Variants in UHRF2 observed in about 807,000 individuals in gnomAD.
UHRF2 encodes E3 ubiquitin-protein ligase UHRF2.
Under a neutral mutation model 96.8 loss-of-function variants are expected in UHRF2, and 23 were observed. The ratio of observed to expected loss-of-function variants is 0.24; its 90% CI spans 0.17 to 0.34. The LOEUF (loss-of-function observed/expected upper bound fraction) is 0.34. Among genes scored for constraint, UHRF2 ranks in the 10% least tolerant of loss-of-function variants. The pLI is 1.00. For missense variants in UHRF2, 685 were observed against 981.5 expected, an observed-to-expected ratio of 0.70 and a Z score of 4.04; for synonymous variants, 385 against 332.6, an observed-to-expected ratio of 1.16 and a Z score of -1.72.
chr9:6,483,561 A>G (rs562006447), intron 8 of UHRF2, among the ~76,000 whole-genome samples: 23 of 152,254 alleles, frequency 1.5e-4, no homozygotes, highest in African/African-American at 4.6e-4. Context: ...AATATTTTTT[A>G]CTCTCTCGAC....
At chr9:6,436,432 G>T (rs1270426676) in intron 3 of UHRF2, among the ~76,000 whole-genome samples, 1 of 152,030 alleles carries the variant, frequency 6.6e-6, no homozygotes, top group Non-Finnish European at 1.5e-5. Context: ...GTGGTCTCTG[G>T]GTTTATAAAT....
intron 8 of UHRF2, among the ~76,000 whole-genome samples, chr9:6,483,652 ATAAT>A (rs1195245288): frequency 6.6e-6 from 1 of 152,190 alleles, no homozygotes; most frequent in Non-Finnish European, 1.5e-5. Context: ...ATACTAGTAA[ATAAT>A]TTATATTTTA....
At position 6,493,947 on chromosome 9, in the gene UHRF2, A is replaced by T; in HGVS notation, c.1604+15A>T. On this transcript the variant is annotated intron_variant, in intron 10 of 15. Coordinates refer to ENST00000276893, the MANE Select transcript of UHRF2 (RefSeq NM_152896.3). Reference sequence around the variant, plus strand: ...AACATGAACAGGTACTACTATAGACACTGTTTAGAATTTGAACATTGAATA... The same window carrying T: ...AACATGAACAGGTACTACTATAGACTCTGTTTAGAATTTGAACATTGAATA... 6.2e-7 allele frequency: 1 copy of T among 1,600,808 alleles called. No homozygotes were observed. The highest frequency in any genetic ancestry group is 8.5e-7 in the Non-Finnish European group (1 of 1,169,804).
At chr9:6,426,829 A>T (rs183502092) in intron 2 of UHRF2, among the ~76,000 whole-genome samples, 1 of 152,066 alleles carries the variant, frequency 6.6e-6, no homozygotes, top group East Asian at 1.9e-4. Context: ...GCTCACTGCA[A>T]CCTCTGCCTC....
chr9:6,474,589 C>T (rs971371660), intron 4 of UHRF2, among the ~76,000 whole-genome samples: 3 of 152,104 alleles, frequency 2.0e-5, no homozygotes, highest in African/African-American at 7.2e-5. Flanking sequence ...GCCTGTAATC[C>T]CAGCTACTTG....
intron 10 of UHRF2, chr9:6,495,501 G>A (rs1246143225): frequency 6.6e-6 from 1 of 152,320 alleles, no homozygotes; most frequent in East Asian, 1.9e-4. Flanking sequence ...GCCCAGTAGT[G>A]TATGGTTGAA....
intron 2 of UHRF2, among the ~76,000 whole-genome samples, chr9:6,426,786 G>A (rs1203722142): frequency 1.3e-5 from 2 of 152,022 alleles, no homozygotes; most frequent in Admixed American, 1.3e-4. Flanking sequence ...ATCTCTCTTT[G>A]TTGCCCAGGC....
At chr9:6,416,255 G>T (rs1000980908) in intron 1 of UHRF2, among the ~76,000 whole-genome samples, 21 of 152,034 alleles carry the variant, frequency 1.4e-4, no homozygotes, top group African/African-American at 5.1e-4. Flanking sequence ...GTAGAGACGA[G>T]GTTTCACCAT....
Position 6,413,271 on chromosome 9 carries a change from A to G in UHRF2, c.-220A>G, listed in dbSNP as rs1050991887. The G allele has an allele frequency of 6.0e-5, 13 of 217,998 alleles. No homozygotes were observed. Among genetic ancestry groups the G allele is most frequent in the Admixed American group, 1.2e-4 (2 of 16,980 alleles). The allele number at this position is 217,998 out of a possible 1,614,324, so 13.5% of individuals were successfully genotyped here. A position where few individuals can be genotyped will look rare whatever the true frequency, so the allele number is the denominator to read the frequency against. The stretch of plus-strand genomic sequence containing the variant: ...GAGGCGGTGTCTGCGGCAGCGCCTC[A>G]GAGTGGTTCCGGTCGTCTCTCCTCA... On this transcript the variant is annotated 5_prime_UTR_variant, in exon 1 of 16. Coordinates refer to ENST00000276893, the MANE Select transcript of UHRF2 (RefSeq NM_152896.3).
chr9:6,464,746 T>C (rs977840449), intron 4 of UHRF2, among the ~76,000 whole-genome samples: 5 of 152,236 alleles, frequency 3.3e-5, no homozygotes, highest in African/African-American at 9.6e-5. Flanking sequence ...GACTTCTCTA[T>C]TCTGTACCAT....
At chr9:6,428,087 C>T (rs189312483) in intron 2 of UHRF2, among the ~76,000 whole-genome samples, 8 of 152,334 alleles carry the variant, frequency 5.3e-5, no homozygotes, top group African/African-American at 1.7e-4. Flanking sequence ...TACAGTTTAG[C>T]TGAGCATGTG....
intron 4 of UHRF2, among the ~76,000 whole-genome samples, chr9:6,463,399 G>A (rs1822669969): frequency 1.3e-5 from 2 of 151,988 alleles, no homozygotes; most frequent in African/African-American, 2.4e-5. Flanking sequence ...ATTATTCTTT[G>A]TCATTAAAGT....
At chr9:6,443,204 C>T (rs1821284426) in intron 3 of UHRF2, among the ~76,000 whole-genome samples, 1 of 152,158 alleles carries the variant, frequency 6.6e-6, no homozygotes. Context: ...AAATGATCGC[C>T]AGGAGCCTTT....
intron 14 of UHRF2, among the ~76,000 whole-genome samples, chr9:6,502,739 A>G (rs186467923): frequency 1.3e-5 from 2 of 152,356 alleles, no homozygotes; most frequent in Non-Finnish European, 2.9e-5. Context: ...CCTGTATTAG[A>G]TATACCCGTA....
chr9:6,449,814 T>C (rs1246446226), intron 3 of UHRF2, among the ~76,000 whole-genome samples: 1 of 152,228 alleles, frequency 6.6e-6, no homozygotes, highest in Non-Finnish European at 1.5e-5. Flanking sequence ...TCTTGAATGC[T>C]CTAATCTGCC....
chr9:6,447,050 G>A (rs555983480), intron 3 of UHRF2, among the ~76,000 whole-genome samples: 2 of 151,678 alleles, frequency 1.3e-5, no homozygotes, highest in African/African-American at 2.4e-5. Flanking sequence ...TACCACACCC[G>A]GCTAATTTTT....
chr9:6,437,181 G>A (rs965704391), intron 3 of UHRF2, among the ~76,000 whole-genome samples: 1 of 152,166 alleles, frequency 6.6e-6, no homozygotes, highest in African/African-American at 2.4e-5. Flanking sequence ...AATGGAGGAT[G>A]CATTGAAGAA....
chr9:6,504,086 C>T (rs373927630), intron 14 of UHRF2, among the ~76,000 whole-genome samples: 95 of 131,222 alleles, frequency 7.2e-4, no homozygotes, highest in Admixed American at 4.3e-3. Flanking sequence ...AGTGCAGTGG[C>T]GTGATCTCAG....
intron 3 of UHRF2, among the ~76,000 whole-genome samples, chr9:6,451,314 T>G (rs904533982): frequency 1.3e-5 from 2 of 152,212 alleles, no homozygotes; most frequent in African/African-American, 4.8e-5. Flanking sequence ...TGCTTTTGGT[T>G]TTTAGGGATT....
Sources: gnomAD v4.1 joint callset for allele counts (sites outside exome capture counted in the v4.1 genomes callset) on GRCh38, gnomAD v4.1.1 for gene constraint, MANE v1.5 for transcripts, NCBI Gene and HGNC (gene_info 2026-07-23, HGNC 2026-07-21) for gene names.